The following IGF2R variants were observed in gnomAD, a reference collection of about 807,000 sequenced individuals.
The protein encoded by IGF2R is cation-independent mannose-6-phosphate receptor.
IGF2R carries 91 observed loss-of-function variants against 270.6 expected under a neutral mutation model. The ratio of observed to expected loss-of-function variants is 0.34; its 90% CI spans 0.28 to 0.40. The LOEUF is 0.40. Among genes scored for constraint, IGF2R ranks in the 10% least tolerant of loss-of-function variants. The pLI, the probability that IGF2R is intolerant of heterozygous loss-of-function variation, is 1.00. For missense variants in IGF2R, 2,805 were observed against 3,188.3 expected, an observed-to-expected ratio of 0.88 and a Z score of 2.90; for synonymous variants, 1,316 against 1,258.9, an observed-to-expected ratio of 1.05 and a Z score of -0.96.
chr6:159,980,183 A>AAAAGAAAGAAAGAAAG lies in IGF2R; in HGVS notation c.149+10829_149+10844dup, dbSNP rs57599343. Among the ~76,000 whole-genome samples the AAAAGAAAGAAAGAAAG allele has an allele frequency of 1.3e-3, 159 of 121,976 alleles. 6 individuals are homozygous for AAAAGAAAGAAAGAAAG. The highest frequency in any genetic ancestry group is 7.8e-3 in the Middle Eastern group (2 of 256). The allele number at this position is 121,976 out of a possible 152,430, so 80.0% of individuals were successfully genotyped here. A position where few individuals can be genotyped will look rare whatever the true frequency, so the allele number is the denominator to read the frequency against. On this transcript the variant is annotated intron_variant, in intron 1 of 47. Transcript: ENST00000356956. ...GCAACACAGTGAGACTCCGTCTCAA[A>AAAAGAAAGAAAGAAAG]AAAGAAAGAAAGAAAGAAAGAAAGA...
At position 160,089,151 on chromosome 6, in the gene IGF2R, G is replaced by A. The variant is rs1455714812; in HGVS notation, c.6365G>A (p.Arg2122Gln). ...SCTYYFSWDS[R>Q]AACAVKPQEV... is the part of the protein sequence containing the mutation. Reference sequence around the variant, plus strand: ...ACTTACTACTTCAGCTGGGACTCCCGGGCTGCCTGCGCCGTGAAGCCTCAG... The same window carrying A: ...ACTTACTACTTCAGCTGGGACTCCCAGGCTGCCTGCGCCGTGAAGCCTCAG... Residue 2122 changes from arginine (R) to glutamine (Q), a missense_variant, in exon 43 of 48, where the codon CGG becomes CAG. Coordinates refer to ENST00000356956, the MANE Select transcript of IGF2R (RefSeq NM_000876.4). The A allele has an allele frequency of 1.9e-6, 3 of 1,614,026 alleles. No individual in the cohort carries two copies. Among genetic ancestry groups the A allele is most frequent in the Non-Finnish European group, 2.5e-6 (3 of 1,179,920 alleles).
chr6:159,972,304 G>T (rs1364882996), intron 1 of IGF2R, among the ~76,000 whole-genome samples: 1 of 152,180 alleles, frequency 6.6e-6, no homozygotes, highest in East Asian at 1.9e-4. Context: ...TCACATGGAG[G>T]CAGTCCCAAA....
Position 160,105,219 on chromosome 6 carries a change from G to A in IGF2R, c.*135G>A. On this transcript the variant is annotated 3_prime_UTR_variant, in exon 48 of 48. Transcript: ENST00000356956. ...TTCAAAAGGGAAGAGTTTTTGTGATGGGGGAGAGGGTGAAGGAGGTCAGGC... is the reference window on the plus strand; with the variant it reads ...TTCAAAAGGGAAGAGTTTTTGTGATAGGGGAGAGGGTGAAGGAGGTCAGGC... 2 of 720,664 alleles carry A rather than the reference G, an allele frequency of 2.8e-6. No homozygotes were observed. Among genetic ancestry groups the A allele is most frequent in the Non-Finnish European group, 4.5e-6 (2 of 443,308 alleles). 44.6% of individuals were successfully genotyped at this position (720,664 alleles called of 1,614,324 possible). A position where few individuals can be genotyped will look rare whatever the true frequency, so the allele number is the denominator to read the frequency against.
In IGF2R at chr6:160,096,616, G is replaced by A; in HGVS notation, c.6833G>A (p.Cys2278Tyr). Residue 2278 changes from cysteine to tyrosine, a missense_variant, in exon 45 of 48, where the codon TGT (cysteine) becomes TAT (tyrosine). Physicochemically the swap from Cys to Tyr is radical, Grantham distance 194. Coordinates refer to ENST00000356956, the MANE Select transcript of IGF2R (RefSeq NM_000876.4). ...TTCTCTTGGTACACCTCAGCCGTGT[G>A]TCCTCTGGGGTGAGTATGACATCCG... is the stretch of plus-strand genomic sequence containing the variant. Reference protein sequence around the residue: ...YLFSWYTSAVCPLGVGFDSEN... With the variant: ...YLFSWYTSAVYPLGVGFDSEN... 6.2e-7 allele frequency: 1 copy of A among 1,611,352 alleles called. No individual in the cohort carries two copies. Among genetic ancestry groups the A allele is most frequent in the Non-Finnish European group, 8.5e-7 (1 of 1,178,240 alleles).
chr6:160,027,749 G>A (rs910709072), intron 6 of IGF2R, among the ~76,000 whole-genome samples: 7 of 152,210 alleles, frequency 4.6e-5, no homozygotes, highest in Admixed American at 6.5e-5. Context: ...AGTGGGGAAT[G>A]GTGTTCCTTA....
At position 160,012,765 on chromosome 6, in the gene IGF2R, T is replaced by TATATA. The variant is rs1562343074; in HGVS notation, c.513+1980_513+1981insATATA. On this transcript the variant is annotated intron_variant, in intron 4 of 47. Transcript: ENST00000356956. ...CTAATTTATATATATATATATATAT[T>TATATA]TTTTTTTTTTTTTGTTTGTTTGTTT... Among the ~76,000 whole-genome samples, 210 of 76,538 alleles carry TATATA rather than the reference T, an allele frequency of 2.7e-3. 9 individuals carry two copies. The highest frequency in any genetic ancestry group is 0.018 in the East Asian group (30 of 1,698). 50.2% of individuals were successfully genotyped at this position (76,538 alleles called of 152,430 possible). A position where few individuals can be genotyped will look rare whatever the true frequency, so the allele number is the denominator to read the frequency against.
At chr6:159,981,584 T>C (rs1403000760) in intron 1 of IGF2R, among the ~76,000 whole-genome samples, 1 of 152,232 alleles carries the variant, frequency 6.6e-6, no homozygotes, top group Non-Finnish European at 1.5e-5. Flanking sequence ...TCTGTTTCGA[T>C]AGCTCTGTGT....
Position 160,089,137 on chromosome 6 carries a change from C to A in IGF2R, c.6351C>A (p.Phe2117Leu), listed in dbSNP as rs1264664219. ...RFDIDSCTYYFSWDSRAACAV... is the reference protein window; with the variant it reads ...RFDIDSCTYYLSWDSRAACAV... ...ATATCGACAGCTGCACTTACTACTTCAGCTGGGACTCCCGGGCTGCCTGCG... is the reference window on the plus strand; with the variant it reads ...ATATCGACAGCTGCACTTACTACTTAAGCTGGGACTCCCGGGCTGCCTGCG... The change falls in exon 43 of 48, where the codon TTC becomes TTA. Residue 2117 changes from phenylalanine to leucine, a missense_variant. Around this residue, in one of 2 missense-constraint regions of IGF2R, gnomAD observed 1,851 missense variants for 2,207.2 expected, o/e 0.84. Transcript: ENST00000356956. 6.2e-7 allele frequency: 1 copy of A among 1,614,062 alleles called. No homozygotes were observed.
rs1778027586 is a variant in IGF2R, at chr6:160,044,601, A to T, written c.1709A>T (p.Asp570Val). Residue 570 changes from aspartate (D) to valine (V), a missense_variant, in exon 13 of 48, where the codon GAT becomes GTT. Asp to Val is a radical substitution (Grantham distance 152). Transcript: ENST00000356956. ...ATTCAACTCTCTTATTCAGATGGTG[A>T]TGATTGTGGTCATGGCAAGAAAATT... ...GNIQLSYSDG[D>V]DCGHGKKIKT... 1 of 1,610,876 alleles carries T rather than the reference A, an allele frequency of 6.2e-7. No homozygotes were observed. The highest frequency in any genetic ancestry group is 8.5e-7 in the Non-Finnish European group (1 of 1,177,892).
intron 1 of IGF2R, among the ~76,000 whole-genome samples, chr6:159,989,316 TG>T (rs755055159): frequency 6.6e-6 from 1 of 152,022 alleles, no homozygotes; most frequent in Admixed American, 6.6e-5. Flanking sequence ...GGAGGGCACG[TG>T]GGGGGGCCTG....
intron 46 of IGF2R, among the ~76,000 whole-genome samples, chr6:160,103,078 G>C (rs1038297083): frequency 2.0e-5 from 3 of 152,114 alleles, no homozygotes; most frequent in African/African-American, 7.2e-5. Flanking sequence ...GCGCCACTTT[G>C]CTGGGTGAAA....
At chr6:160,099,895 AAATG>A (rs1293902084) in intron 45 of IGF2R, among the ~76,000 whole-genome samples, 2 of 152,226 alleles carry the variant, frequency 1.3e-5, no homozygotes, top group Non-Finnish European at 2.9e-5. Context: ...TTCTTGAAAG[AAATG>A]AAGGAAGGAA....
At chr6:160,011,839 A>G (rs1012076414) in intron 4 of IGF2R, among the ~76,000 whole-genome samples, 5 of 152,170 alleles carry the variant, frequency 3.3e-5, no homozygotes, top group African/African-American at 9.7e-5. Flanking sequence ...CACCTTGATA[A>G]CAATCTTAAT....
chr6:159,970,589 C>CT (rs1783594930), intron 1 of IGF2R, among the ~76,000 whole-genome samples: 1 of 152,088 alleles, frequency 6.6e-6, no homozygotes, highest in Non-Finnish European at 1.5e-5. Flanking sequence ...TTTATGCTCC[C>CT]TTTTTTGGAA....
chr6:159,989,395 T>A (rs1384677315), intron 1 of IGF2R, among the ~76,000 whole-genome samples: 1 of 152,044 alleles, frequency 6.6e-6, no homozygotes, highest in Non-Finnish European at 1.5e-5. Flanking sequence ...GGTGGACGGC[T>A]CCTTCTGTGA....
chr6:160,056,547 C>T (rs528217288), intron 20 of IGF2R, 22 bp downstream of exon 20: 61 of 1,510,922 alleles, frequency 4.0e-5, no homozygotes, highest in Non-Finnish European at 5.4e-5. Context: ...TTCACCTGGC[C>T]CTCGTGCTGA....
intron 2 of IGF2R, among the ~76,000 whole-genome samples, 174 bp downstream of exon 2, chr6:159,991,497 G>C (rs1783979194): frequency 6.6e-6 from 1 of 152,184 alleles, no homozygotes; most frequent in Admixed American, 6.5e-5. Context: ...CTAACGGTTT[G>C]AATGTCTAGT....
intron 12 of IGF2R, among the ~76,000 whole-genome samples, chr6:160,043,620 A>G (rs190882209): frequency 9.8e-5 from 15 of 152,358 alleles, no homozygotes; most frequent in South Asian, 4.1e-4. Flanking sequence ...TTATTTTTTA[A>G]CAACTTTATT....
At chr6:159,984,773 C>G (rs913262911) in intron 1 of IGF2R, among the ~76,000 whole-genome samples, 2 of 152,170 alleles carry the variant, frequency 1.3e-5, no homozygotes, top group Admixed American at 6.5e-5. Context: ...AAACCAGTCC[C>G]CCCATCAGCA....
Sources: allele counts gnomAD v4.1 joint callset (sites outside exome capture counted in the v4.1 genomes callset), GRCh38; gene constraint gnomAD v4.1.1; regional missense constraint gnomAD v4.1.1; transcripts MANE v1.5; gene names NCBI Gene and HGNC (gene_info 2026-07-23, HGNC 2026-07-21).